Variants in ABCE1 observed in about 807,000 individuals in gnomAD.
The protein encoded by ABCE1 is ATP binding cassette subfamily E member 1, also known as ATP-binding cassette sub-family E member 1.
ABCE1 carries 22 observed loss-of-function variants against 83.4 expected under a neutral mutation model. The ratio of observed to expected loss-of-function variants is 0.26; its 90% CI spans 0.19 to 0.38. The LOEUF (loss-of-function observed/expected upper bound fraction) is 0.38, where lower values mean the gene tolerates loss of function less well. Among genes scored for constraint, ABCE1 ranks in the 10% least tolerant of loss-of-function variants. The probability of loss-of-function intolerance (pLI) is 1.00; values close to 1 mark genes in which losing one functional copy is unlikely to be tolerated. For synonymous variants in ABCE1, 204 were observed against 233.7 expected, an observed-to-expected ratio of 0.87 and a Z score of 1.16; for missense variants, 330 against 721.9, an observed-to-expected ratio of 0.46 and a Z score of 6.22.
intron 6 of ABCE1, 27 bp downstream of exon 6, chr4:145,110,267 C>T (rs375439532): frequency 1.9e-5 from 31 of 1,596,946 alleles, no homozygotes; most frequent in African/African-American, 8.2e-5. Context: ...GGGAACTTAA[C>T]GGATATTAGT....
At chr4:145,099,923 A>G (rs1203441178) in intron 1 of ABCE1, among the ~76,000 whole-genome samples, 1 of 152,176 alleles carries the variant, frequency 6.6e-6, no homozygotes, top group Non-Finnish European at 1.5e-5. Flanking sequence ...TCGAATCTGA[A>G]ATATCCGCAA....
intron 5 of ABCE1, 72 bp from the exon 6 acceptor site, chr4:145,110,031 C>G: frequency 7.6e-7 from 1 of 1,319,676 alleles, no homozygotes. Flanking sequence ...TAATCTATTT[C>G]CTGTAGCATT....
rs41280527 is a variant in ABCE1, at chr4:145,123,783, A to G, written c.1640+183A>G. ...TGTGGAAGAGTAGTGTTTAGGCTTCAGTGTGGAATCCCTCACCAGGAAGAT... is the reference window on the plus strand; with the variant it reads ...TGTGGAAGAGTAGTGTTTAGGCTTCGGTGTGGAATCCCTCACCAGGAAGAT... On this transcript the variant is annotated intron_variant, in intron 16 of 17. Coordinates refer to ENST00000296577, the MANE Select transcript of ABCE1 (RefSeq NM_002940.3). The G allele has an allele frequency of 7.7e-3, 3,572 of 465,174 alleles. 24 individuals carry two copies. The highest frequency in any genetic ancestry group is 0.011 in the Non-Finnish European group (2,887 of 268,908). 28.8% of individuals were successfully genotyped at this position (465,174 alleles called of 1,614,324 possible).
In ABCE1 at chr4:145,110,697, G is replaced by T. The variant is rs545487306; in HGVS notation, c.613+253G>T. 5.5e-6 allele frequency: 3 copies of T among 541,210 alleles called. No individual in the cohort carries two copies. In the East Asian group the frequency reaches 9.4e-5, roughly 17 times the overall value. The allele number at this position is 541,210 out of a possible 1,614,324, so 33.5% of individuals were successfully genotyped here. A position where few individuals can be genotyped will look rare whatever the true frequency, so the allele number is the denominator to read the frequency against. On this transcript the variant is annotated intron_variant, in intron 7 of 17. Transcript: ENST00000296577. ...TCTCCATGTCAGTCAGGCTGGTCTC[G>T]AACTCCCACCTGCCTCAGCCTCCCA... is the stretch of plus-strand genomic sequence containing the variant.
In ABCE1 at chr4:145,105,955, A is replaced by C. The variant is rs192361783; in HGVS notation, c.189+265A>C. On this transcript the variant is annotated intron_variant, in intron 3 of 17. Coordinates refer to ENST00000296577, the MANE Select transcript of ABCE1 (RefSeq NM_002940.3). ...AAAATTTCTCTTTTTTCACCTTTTT[A>C]TAAGGACATTACCATCACATTACAT... Among the ~76,000 whole-genome samples, 573 of 152,046 alleles carry C rather than the reference A, an allele frequency of 3.8e-3. 2 individuals are homozygous for C. The highest frequency in any genetic ancestry group is 0.012 in the African/African-American group (510 of 41,560).
chr4:145,100,615 C>A (rs1579206580), intron 1 of ABCE1, among the ~76,000 whole-genome samples: 1 of 152,184 alleles, frequency 6.6e-6, no homozygotes, highest in South Asian at 2.1e-4. Context: ...TTTTTTGTGA[C>A]AATTCAAGCC....
chr4:145,112,236 T>TTTAG lies in ABCE1; in HGVS notation c.711-3_711-2insTTAG. 7.5e-7 allele frequency: 1 copy of TTTAG among 1,336,960 alleles called. No homozygotes were observed. Among genetic ancestry groups the TTTAG allele is most frequent in the Non-Finnish European group, 1.0e-6 (1 of 968,880 alleles). 82.8% of individuals were successfully genotyped at this position (1,336,960 alleles called of 1,614,324 possible). On this transcript the variant is annotated splice_polypyrimidine_tract_variant and splice_region_variant and intron_variant, in intron 8 of 17. Transcript: ENST00000296577. ...ATTTGCTTTTTTTTTTTTTTTTTCA[T>TTTAG]AGTTTCATGTTTGATGAGCCTTCTA...
chr4:145,124,844 G>A (rs1749834029), intron 16 of ABCE1, 146 bp from the exon 17 acceptor site: 4 of 551,020 alleles, frequency 7.3e-6, no homozygotes, highest in Non-Finnish European at 9.8e-6. Context: ...CACAGGATTT[G>A]TAATATGCTG....
intron 1 of ABCE1, among the ~76,000 whole-genome samples, chr4:145,101,072 A>T (rs913043174): frequency 2.6e-5 from 4 of 151,096 alleles, no homozygotes; most frequent in African/African-American, 7.4e-5. Flanking sequence ...TATATAAAAA[A>T]AATATATATA....
chr4:145,117,665 G>T (rs896982227), intron 10 of ABCE1, among the ~76,000 whole-genome samples: 1 of 151,636 alleles, frequency 6.6e-6, no homozygotes, highest in African/African-American at 2.4e-5. Flanking sequence ...GGGTTGGGAG[G>T]CTACAGTAAA....
intron 9 of ABCE1, 30 bp from the exon 10 acceptor site, chr4:145,117,263 G>T: frequency 1.0e-5 from 16 of 1,573,706 alleles, no homozygotes; most frequent in African/African-American, 1.4e-5. Context: ...TTATGTAAGA[G>T]TTTTAACTAA....
Position 145,121,394 on chromosome 4 carries a change from G to T in ABCE1, c.1263+3G>T. ...AGAAAATTAGTCCCAAATCAACTGTGAGTTATTATTTTTTATATGGTTACT... is the reference window on the plus strand; with the variant it reads ...AGAAAATTAGTCCCAAATCAACTGTTAGTTATTATTTTTTATATGGTTACT... On this transcript the variant is annotated splice_donor_region_variant and intron_variant, in intron 13 of 17. Transcript: ENST00000296577. 1.2e-6 allele frequency: 2 copies of T among 1,607,318 alleles called. No homozygotes were observed. The highest frequency in any genetic ancestry group is 2.2e-5 in the South Asian group (2 of 89,820).
intron 16 of ABCE1, 184 bp downstream of exon 16, chr4:145,123,784 G>A (rs1345538141): frequency 4.3e-6 from 2 of 460,326 alleles, no homozygotes; most frequent in African/African-American, 3.9e-5. Context: ...TTAGGCTTCA[G>A]TGTGGAATCC....
chr4:145,113,682 A>G (rs937041798), intron 9 of ABCE1, among the ~76,000 whole-genome samples: 1 of 152,192 alleles, frequency 6.6e-6, no homozygotes, highest in Non-Finnish European at 1.5e-5. Flanking sequence ...AATCTTCAAA[A>G]TAAAATCTTT....
intron 9 of ABCE1, among the ~76,000 whole-genome samples, chr4:145,116,481 T>G (rs1424751716): frequency 6.6e-6 from 1 of 151,904 alleles, no homozygotes; most frequent in African/African-American, 2.4e-5. Flanking sequence ...GAATGATAAT[T>G]TCGTTAATAC....
At chr4:145,116,917 T>C (rs1476606794) in intron 9 of ABCE1, among the ~76,000 whole-genome samples, 3 of 151,926 alleles carry the variant, frequency 2.0e-5, no homozygotes. Flanking sequence ...CATCCCCTAC[T>C]ACAGCTAGCA....
At chr4:145,125,348 A>G (rs1047910122) in intron 17 of ABCE1, among the ~76,000 whole-genome samples, 3 of 152,140 alleles carry the variant, frequency 2.0e-5, no homozygotes, top group Admixed American at 1.3e-4. Flanking sequence ...GGTATCTGTA[A>G]TCCCAGCTAC....
chr4:145,110,813 A>G, intron 7 of ABCE1, 155 bp from the exon 8 acceptor site: 1 of 586,254 alleles, frequency 1.7e-6, no homozygotes, highest in East Asian at 2.9e-5. Flanking sequence ...GAAAGTACAC[A>G]TCTTTATGTG....
chr4:145,119,787 T>C, intron 10 of ABCE1, 145 bp from the exon 11 acceptor site: 1 of 601,776 alleles, frequency 1.7e-6, no homozygotes, highest in Middle Eastern at 2.9e-4. Flanking sequence ...ATATATAGTT[T>C]TTTAAGTTAC....
Sources: gnomAD v4.1 joint callset for allele counts (sites outside exome capture counted in the v4.1 genomes callset) on GRCh38, gnomAD v4.1.1 for gene constraint, MANE v1.5 for transcripts, NCBI Gene and HGNC (gene_info 2026-07-23, HGNC 2026-07-21) for gene names.